Variants in SLC35F1 observed in about 807,000 individuals in gnomAD.
SLC35F1 encodes solute carrier family 35 member F1.
In SLC35F1, 14 loss-of-function variants were observed where a neutral mutation model predicts 48.7. The ratio of observed to expected loss-of-function variants is 0.29; its 90% CI spans 0.19 to 0.45. The LOEUF is 0.45. Ranked by LOEUF, SLC35F1 falls within the 20% of genes least tolerant of loss-of-function variation. The pLI, the probability that SLC35F1 is intolerant of heterozygous loss-of-function variation, is 1.00. For missense variants in SLC35F1, 404 were observed against 500.0 expected (o/e 0.81, Z 1.83); for synonymous variants, 190 against 202.2 (o/e 0.94, Z 0.51).
intron 1 of SLC35F1, among the ~76,000 whole-genome samples, chr6:117,925,066 T>C (rs568038594): frequency 6.6e-6 from 1 of 152,340 alleles, no homozygotes; most frequent in South Asian, 2.1e-4. Flanking sequence ...TTGTGTTACA[T>C]GGAAATAAGT....
chr6:117,990,291 A>T (rs551324048), intron 1 of SLC35F1, among the ~76,000 whole-genome samples: 1 of 152,240 alleles, frequency 6.6e-6, no homozygotes, highest in East Asian at 1.9e-4. Flanking sequence ...TATACTAAGG[A>T]ATTTCTGTCT....
chr6:118,098,571 A>G (rs1229126841), intron 1 of SLC35F1, among the ~76,000 whole-genome samples: 4 of 152,050 alleles, frequency 2.6e-5, no homozygotes, highest in South Asian at 2.1e-4. Context: ...GACTTTTTGC[A>G]TCTTCCTTGG....
intron 3 of SLC35F1, among the ~76,000 whole-genome samples, chr6:118,245,843 C>CT (rs1196747679): frequency 6.6e-6 from 1 of 151,946 alleles, no homozygotes. Flanking sequence ...AAACCTGGTG[C>CT]TTTTTTTTGG....
chr6:118,142,405 G>C (rs1420752564), intron 1 of SLC35F1, among the ~76,000 whole-genome samples: 1 of 152,090 alleles, frequency 6.6e-6, no homozygotes, highest in African/African-American at 2.4e-5. Context: ...CCTGCCTCAA[G>C]GGCTTTCTTT....
At chr6:118,195,737 C>A (rs77271529) in intron 2 of SLC35F1, among the ~76,000 whole-genome samples, 1 of 151,768 alleles carries the variant, frequency 6.6e-6, no homozygotes, top group Non-Finnish European at 1.5e-5. Flanking sequence ...ACTTCCAAAC[C>A]CAGTTTGGAA....
chr6:118,249,663 G>C (rs1289222062), intron 3 of SLC35F1, among the ~76,000 whole-genome samples: 1 of 152,170 alleles, frequency 6.6e-6, no homozygotes, highest in Non-Finnish European at 1.5e-5. Flanking sequence ...CAGTCTTAAG[G>C]CCACTGAGAC....
chr6:118,159,220 CAAAAAAAAAA>C (rs60060945), intron 2 of SLC35F1, among the ~76,000 whole-genome samples: 1 of 43,844 alleles, frequency 2.3e-5, no homozygotes, highest in Admixed American at 3.9e-4. Flanking sequence ...GACTCTGTCT[CAAAAAAAAAA>C]AAAAAAAAAA....
At chr6:118,128,063 CTCA>C (rs1773654823) in intron 1 of SLC35F1, among the ~76,000 whole-genome samples, 1 of 148,638 alleles carries the variant, frequency 6.7e-6, no homozygotes, top group African/African-American at 2.5e-5. Flanking sequence ...TGAAAAAATG[CTCA>C]TCATCACTGG....
At chr6:117,964,961 G>A (rs1776542294) in intron 1 of SLC35F1, among the ~76,000 whole-genome samples, 1 of 152,054 alleles carries the variant, frequency 6.6e-6, no homozygotes, top group Admixed American at 6.6e-5. Flanking sequence ...AATAAGGGAG[G>A]GATACGGAAG....
At chr6:117,981,498 G>A (rs1776780748) in intron 1 of SLC35F1, among the ~76,000 whole-genome samples, 1 of 151,960 alleles carries the variant, frequency 6.6e-6, no homozygotes, top group Non-Finnish European at 1.5e-5. Context: ...GGAGGATTGA[G>A]GGAGGTGACA....
chr6:118,239,973 A>G (rs2114589671), intron 3 of SLC35F1, among the ~76,000 whole-genome samples: 1 of 152,324 alleles, frequency 6.6e-6, no homozygotes, highest in East Asian at 1.9e-4. Context: ...AGTTCTGTTT[A>G]CTCACTACAG....
At chr6:118,189,777 C>T (rs953887381) in intron 2 of SLC35F1, among the ~76,000 whole-genome samples, 24 of 152,206 alleles carry the variant, frequency 1.6e-4, no homozygotes, top group African/African-American at 5.5e-4. Flanking sequence ...CAGGGGGCCT[C>T]GTGGTCAGAT....
chr6:118,032,538 C>T (rs1772069292), intron 1 of SLC35F1, among the ~76,000 whole-genome samples: 1 of 152,136 alleles, frequency 6.6e-6, no homozygotes, highest in East Asian at 1.9e-4. Flanking sequence ...TTTCTTTTGT[C>T]TCCTCCTCTT....
chr6:118,240,881 G>A (rs531479964), intron 3 of SLC35F1, among the ~76,000 whole-genome samples: 4 of 152,292 alleles, frequency 2.6e-5, no homozygotes, highest in African/African-American at 4.8e-5. Flanking sequence ...ACAAGATGGC[G>A]AGACAAAGAG....
At chr6:118,099,402 A>G (rs1773224667) in intron 1 of SLC35F1, among the ~76,000 whole-genome samples, 1 of 152,166 alleles carries the variant, frequency 6.6e-6, no homozygotes, top group African/African-American at 2.4e-5. Context: ...TATGGAAGGT[A>G]TATAACCAGG....
At chr6:118,196,722 C>CA (rs1016066556) in intron 2 of SLC35F1, among the ~76,000 whole-genome samples, 4 of 151,036 alleles carry the variant, frequency 2.6e-5, no homozygotes, top group Admixed American at 6.6e-5. Flanking sequence ...GACTCTGTCT[C>CA]AAAAAAAATA....
intron 2 of SLC35F1, among the ~76,000 whole-genome samples, chr6:118,163,455 A>G (rs1287535889): frequency 6.6e-6 from 1 of 151,766 alleles, no homozygotes; most frequent in South Asian, 2.1e-4. Context: ...CACACACTCT[A>G]TACATCAGAC....
At chr6:118,198,842 A>C (rs1382351366) in intron 2 of SLC35F1, among the ~76,000 whole-genome samples, 1 of 152,240 alleles carries the variant, frequency 6.6e-6, no homozygotes, top group Admixed American at 6.5e-5. Context: ...ATTCCTGCTT[A>C]GTTTCCTACA....
At position 117,972,708 on chromosome 6, in the gene SLC35F1, G is replaced by C. The variant is rs193131696; in HGVS notation, c.173+64809G>C. ...ATTCACTATCACAAGAACAGCATGG[G>C]AAAAACCTGCCCCCATGAGTCAGTT... On this transcript the variant is annotated intron_variant, in intron 1 of 7. Coordinates refer to ENST00000360388, the MANE Select transcript of SLC35F1 (RefSeq NM_001029858.4). Among the ~76,000 whole-genome samples the C allele has an allele frequency of 8.5e-5, 13 of 152,128 alleles. No homozygotes were observed. In the East Asian group the frequency reaches 2.5e-3, roughly 30 times the overall value.
Sources: allele counts gnomAD v4.1 joint callset (sites outside exome capture counted in the v4.1 genomes callset), GRCh38; gene constraint gnomAD v4.1.1; transcripts MANE v1.5; gene names NCBI Gene and HGNC (gene_info 2026-07-23, HGNC 2026-07-21).